The following TRIM51 variants were observed in gnomAD, a reference collection of about 807,000 sequenced individuals.
The protein encoded by TRIM51 is tripartite motif-containing protein 51.
Under a neutral mutation model 32.7 loss-of-function variants are expected in TRIM51, and 23 were observed. The ratio of observed to expected loss-of-function variants is 0.70; its 90% CI spans 0.51 to 1.00. TRIM51 has a LOEUF of 1.00. Among genes scored for constraint, TRIM51 ranks in the 50% least tolerant of loss-of-function variants. TRIM51 has a pLI of 0.00. For missense variants in TRIM51, 592 were observed against 539.2 expected (o/e 1.10, Z -0.97); for synonymous variants, 177 against 181.9 (o/e 0.97, Z 0.22).
chr11:55,889,729 T>C (rs1454726379), intron 5 of TRIM51, among the ~76,000 whole-genome samples: 1 of 152,176 alleles, frequency 6.6e-6, no homozygotes, highest in African/African-American at 2.4e-5. Context: ...CGAAGAAAGA[T>C]CCTAATGAAT....
rs1854571360 is a variant in TRIM51 at position 55,885,845 on chromosome 11, T to A, written c.411+6T>A. 6.2e-7 allele frequency: 1 copy of A among 1,611,692 alleles called. No individual in the cohort carries two copies. The highest frequency in any genetic ancestry group is 2.2e-5 in the East Asian group (1 of 44,864). On this transcript the variant is annotated splice_donor_region_variant and intron_variant, in intron 2 of 6. Transcript: ENST00000449290. ...GGGCTGCTGAGGAACGCCGGGTAAG[T>A]GATGCCTCTGAAGATCTATTTCTAT...
chr11:55,891,060 A>G, intron 6 of TRIM51, 73 bp from the exon 7 acceptor site: 1 of 1,280,358 alleles, frequency 7.8e-7, no homozygotes, highest in East Asian at 2.5e-5. Context: ...TCTTGGTAGA[A>G]CAACATTTCC....
chr11:55,884,886 T>C (rs928349700), intron 1 of TRIM51, among the ~76,000 whole-genome samples: 13 of 152,116 alleles, frequency 8.5e-5, no homozygotes, highest in Admixed American at 3.3e-4. Flanking sequence ...CTAGTGATCC[T>C]AGACTGGTTT....
At chr11:55,883,524 G>A (rs1854536830) in intron 1 of TRIM51, 140 bp downstream of exon 1, 1 of 152,082 alleles carries the variant, frequency 6.6e-6, no homozygotes, top group African/African-American at 2.4e-5. Context: ...TTTATGACAT[G>A]AGGTTATGAC....
In TRIM51 at chr11:55,884,157, C is replaced by CTATA. The variant is rs143840865; in HGVS notation, c.-5+796_-5+799dup. ...CCATAGGATGTGTACATAACTATAA[C>CTATA]TATATATATATATATATATATATAT... On this transcript the variant is annotated intron_variant, in intron 1 of 6. Transcript: ENST00000449290. 2.9e-3 allele frequency among the ~76,000 whole-genome samples: 176 copies of CTATA among 61,552 alleles called. 19 individuals carry two copies. In the East Asian group the frequency reaches 0.17, roughly 58 times the overall value. 40.4% of individuals were successfully genotyped at this position (61,552 alleles called of 152,430 possible).
chr11:55,889,825 G>A (rs1042139504), intron 5 of TRIM51, 117 bp from the exon 6 acceptor site: 66 of 693,520 alleles, frequency 9.5e-5, no homozygotes, highest in Non-Finnish European at 1.5e-4. Context: ...GATAATTTTG[G>A]AATTAGCAAA....
chr11:55,885,574 T>C lies in TRIM51; in HGVS notation c.146T>C (p.Leu49Pro). ...CTCAACTGGCAAGACACGGCAGTTC[T>C]TGCTCAGTGCTCTGAATGCAAGAAG... Reference protein sequence around the residue: ...LYLNWQDTAVLAQCSECKKTT... With the variant: ...LYLNWQDTAVPAQCSECKKTT... Residue 49 changes from leucine (L) to proline (P), a missense_variant, in exon 2 of 7, where the codon CTT (leucine) becomes CCT (proline). Coordinates refer to ENST00000449290, the MANE Select transcript of TRIM51 (RefSeq NM_032681.4). 2 of 1,611,890 alleles carry C rather than the reference T, an allele frequency of 1.2e-6. No homozygotes were observed. The highest frequency in any genetic ancestry group is 1.7e-6 in the Non-Finnish European group (2 of 1,179,754).
chr11:55,885,592 G>T lies in TRIM51; in HGVS notation c.164G>T (p.Cys55Phe), dbSNP rs1247496161. The T allele has an allele frequency of 1.9e-6, 3 of 1,611,548 alleles. No individual in the cohort carries two copies. The highest frequency in any genetic ancestry group is 2.5e-6 in the Non-Finnish European group (3 of 1,179,668). ...DTAVLAQCSE[C>F]KKTTRQRNLN... is the part of the protein sequence containing the mutation. ...GCAGTTCTTGCTCAGTGCTCTGAAT[G>T]CAAGAAGACAACGCGGCAGAGAAAC... The change falls in exon 2 of 7, where the codon TGC (cysteine) becomes TTC (phenylalanine). Residue 55 changes from cysteine to phenylalanine, a missense_variant. Cys to Phe is a radical substitution (Grantham distance 205, BLOSUM62 -2). Transcript: ENST00000449290.
In TRIM51 at chr11:55,889,972, G is replaced by A. The variant is rs761454224; in HGVS notation, c.792G>A (p.Glu264=). Residue 264 remains glutamate (E), a synonymous_variant, in exon 6 of 7, where the codon GAG becomes GAA. Transcript: ENST00000449290. ...RYESLLLQVS[E]PVNPELSAGP... The stretch of plus-strand genomic sequence containing the variant: ...AGTCTCTGCTGCTGCAAGTGTCTGA[G>A]CCTGTGAATCCAGAGCTCAGTGCAG... The A allele has an allele frequency of 2.2e-5, 36 of 1,613,264 alleles. No homozygotes were observed. Among genetic ancestry groups the A allele is most frequent in the Non-Finnish European group, 3.0e-5 (35 of 1,179,610 alleles).
intron 6 of TRIM51, among the ~76,000 whole-genome samples, chr11:55,890,754 C>T (rs12279610): frequency 6.6e-6 from 1 of 152,082 alleles, no homozygotes; most frequent in Non-Finnish European, 1.5e-5. Flanking sequence ...AAAATCTTCC[C>T]ATTCTTGCCA....
chr11:55,885,868 T>C, intron 2 of TRIM51, 29 bp downstream of exon 2: 1 of 1,611,412 alleles, frequency 6.2e-7, no homozygotes, highest in Non-Finnish European at 8.5e-7. Context: ...GATCTATTTC[T>C]ATACAGGACA....
intron 4 of TRIM51, 122 bp from the exon 5 acceptor site, chr11:55,888,857 C>T (rs543714002): frequency 5.3e-5 from 46 of 875,366 alleles, no homozygotes; most frequent in Non-Finnish European, 8.1e-5. Flanking sequence ...AAAATGCTTT[C>T]CAGGAGGGAA....
chr11:55,889,037 G>A, intron 5 of TRIM51, 36 bp downstream of exon 5: 2 of 1,582,426 alleles, frequency 1.3e-6, no homozygotes, highest in Non-Finnish European at 1.7e-6. Flanking sequence ...GATGCTTTCA[G>A]TTTCCACAAA....
chr11:55,885,880 A>G (rs758079696), intron 2 of TRIM51, 41 bp downstream of exon 2: 305 of 1,610,866 alleles, frequency 1.9e-4, no homozygotes, highest in Non-Finnish European at 2.5e-4. Flanking sequence ...TACAGGACAC[A>G]TGAAATTCTT....
At chr11:55,889,601 A>C (rs566398014) in intron 5 of TRIM51, among the ~76,000 whole-genome samples, 1 of 152,230 alleles carries the variant, frequency 6.6e-6, no homozygotes, top group South Asian at 2.1e-4. Context: ...CTTAAAAATA[A>C]CCCCACTTTT....
rs1362954431 is a variant in TRIM51 at position 55,891,676 on chromosome 11, T to C, written c.*44T>C. The stretch of plus-strand genomic sequence containing the variant: ...TGTGCCTGTATGCTCTGGGAACCTG[T>C]TTATCCCAGAAAGCCCTCTTTTTCG... On this transcript the variant is annotated 3_prime_UTR_variant, in exon 7 of 7. Coordinates refer to ENST00000449290, the MANE Select transcript of TRIM51 (RefSeq NM_032681.4). 1.2e-6 allele frequency: 2 copies of C among 1,604,552 alleles called. No homozygotes were observed. The highest frequency in any genetic ancestry group is 4.5e-5 in the East Asian group (2 of 44,842).
rs1480905591 is a variant in TRIM51, at chr11:55,888,154, GCAA to G, written c.632_634del (p.Gln211del). On this transcript the variant is annotated inframe_deletion, in exon 4 of 7. Transcript: ENST00000449290. ...GAAAGGAGGGCGAGGACATTTTTCA[GCAA>G]CTCAATGAAAGCAAAGCCAGAATGG... 1.9e-6 allele frequency: 3 copies of G among 1,613,568 alleles called. No individual in the cohort carries two copies. In the African/African-American group the frequency reaches 4.0e-5, roughly 22 times the overall value.
At chr11:55,886,938 A>G (rs911143894) in intron 3 of TRIM51, among the ~76,000 whole-genome samples, 12 of 152,132 alleles carry the variant, frequency 7.9e-5, no homozygotes, top group Non-Finnish European at 7.4e-5. Flanking sequence ...AAGGTATTTT[A>G]TGAGTACCTA....
chr11:55,887,596 G>T (rs1236656700), intron 3 of TRIM51, among the ~76,000 whole-genome samples: 1 of 152,072 alleles, frequency 6.6e-6, no homozygotes, highest in East Asian at 1.9e-4. Flanking sequence ...AATATGTTAT[G>T]CTGGGTGAAA....
Sources: gnomAD v4.1 joint callset for allele counts (sites outside exome capture counted in the v4.1 genomes callset) on GRCh38, gnomAD v4.1.1 for gene constraint, MANE v1.5 for transcripts, NCBI Gene and HGNC (gene_info 2026-07-23, HGNC 2026-07-21) for gene names.